Variants in TENM2 observed in about 807,000 individuals in gnomAD.
The protein encoded by TENM2 is teneurin transmembrane protein 2.
A neutral mutation model predicts 245.2 loss-of-function variants in TENM2; 52 were observed. The observed-to-expected ratio is 0.21, with a 90% CI of 0.17 to 0.27. The LOEUF is 0.27. Ranked by LOEUF, TENM2 falls within the 10% of genes least tolerant of loss-of-function variation. The pLI, the probability that TENM2 is intolerant of heterozygous loss-of-function variation, is 1.00. For missense variants in TENM2, 3,046 were observed against 3,666.8 expected (o/e 0.83, Z 4.37); for synonymous variants, 1,363 against 1,438.9 (o/e 0.95, Z 1.19).
At chr5:167,568,402 C>T (rs774958373) in intron 2 of TENM2, among the ~76,000 whole-genome samples, 4 of 152,084 alleles carry the variant, frequency 2.6e-5, no homozygotes, top group Admixed American at 6.6e-5. Context: ...TTGAATGGCT[C>T]ATTCATGTAT....
chr5:168,094,221 G>T (rs902973971), intron 8 of TENM2, among the ~76,000 whole-genome samples: 4 of 152,126 alleles, frequency 2.6e-5, no homozygotes, highest in African/African-American at 9.7e-5. Flanking sequence ...ACACCCAGGA[G>T]CTGAGACACA....
intron 1 of TENM2, among the ~76,000 whole-genome samples, chr5:167,350,846 G>GAT (rs372945513): frequency 0.023 from 2,205 of 95,778 alleles, 540 homozygotes; most frequent in African/African-American, 0.082. Context: ...TATACATATG[G>GAT]ATATATATAT....
chr5:167,350,718 G>A (rs1561883580), intron 1 of TENM2, among the ~76,000 whole-genome samples: 1 of 131,216 alleles, frequency 7.6e-6, no homozygotes, highest in African/African-American at 2.9e-5. Context: ...ATATATATAT[G>A]GGATATATAC....
intron 19 of TENM2, 97 bp from the exon 22 acceptor site, chr5:168,211,637 C>T: frequency 1.3e-6 from 1 of 746,120 alleles, no homozygotes; most frequent in Non-Finnish European, 2.2e-6. Flanking sequence ...TTTTTTGGGC[C>T]CCTTTATACA....
At chr5:168,248,348 T>C in exon 27 of TENM2, 6 of 1,613,146 alleles carry the variant, frequency 3.7e-6, no homozygotes, top group Non-Finnish European at 5.1e-6. Flanking sequence ...AGCAGTGAGC[T>C]AGATTTGAAG....
In TENM2 at chr5:167,747,239, C is replaced by CT. The variant is rs146179683; in HGVS notation, c.503-128746dup. ...ATTCCCAGTGGGCAAGTGATATATCCTGGTGACTTAGAGTAGGAGGCTGGC... is the reference window on the plus strand; with the variant it reads ...ATTCCCAGTGGGCAAGTGATATATCCTTGGTGACTTAGAGTAGGAGGCTGGC... On this transcript the variant is annotated intron_variant, in intron 2 of 28. Transcript: ENST00000518659. 3.0e-3 allele frequency among the ~76,000 whole-genome samples: 457 copies of CT among 152,240 alleles called. 3 individuals are homozygous for CT. Among genetic ancestry groups the CT allele is most frequent in the African/African-American group, 0.01 (426 of 41,540 alleles).
the TENM2 span, among the ~76,000 whole-genome samples, chr5:167,174,636 A>T: frequency 1.3e-5 from 2 of 152,200 alleles, no homozygotes; most frequent in Non-Finnish European, 2.9e-5. Flanking sequence ...GCAAATTAAC[A>T]TATCCACCCC....
At chr5:167,536,968 GA>G (rs1771890702) in intron 2 of TENM2, among the ~76,000 whole-genome samples, 1 of 152,032 alleles carries the variant, frequency 6.6e-6, no homozygotes, top group South Asian at 2.1e-4. Flanking sequence ...AGGTTGCAGT[GA>G]GCCAAGATCA....
chr5:167,084,350 T>C, the TENM2 span, among the ~76,000 whole-genome samples: 3 of 106,354 alleles, frequency 2.8e-5, no homozygotes, highest in South Asian at 3.0e-4. Flanking sequence ...TATATATATA[T>C]ATATATATAT....
chr5:167,538,072 C>T (rs1392303302), intron 2 of TENM2, among the ~76,000 whole-genome samples: 2 of 152,192 alleles, frequency 1.3e-5, no homozygotes, highest in African/African-American at 4.8e-5. Flanking sequence ...AACTTGTTAG[C>T]CTATGCCTTG....
chr5:167,655,026 A>G (rs975421712), intron 2 of TENM2, among the ~76,000 whole-genome samples: 5 of 152,180 alleles, frequency 3.3e-5, no homozygotes, highest in South Asian at 2.1e-4. Context: ...TATAAACATT[A>G]TGTCTTCATT....
At chr5:167,632,249 A>T (rs1259711364) in intron 2 of TENM2, among the ~76,000 whole-genome samples, 1 of 152,204 alleles carries the variant, frequency 6.6e-6, no homozygotes, top group Non-Finnish European at 1.5e-5. Flanking sequence ...ATTACAAGTT[A>T]TCATGGGCCA....
At chr5:167,238,009 C>CAAA in the TENM2 span, among the ~76,000 whole-genome samples, 7,317 of 41,138 alleles carry the variant, frequency 0.18, 518 homozygotes, top group Non-Finnish European at 0.24. Flanking sequence ...GACTCTGTCT[C>CAAA]AAAAAAAAAA....
At chr5:167,552,965 T>C (rs968195174) in intron 2 of TENM2, among the ~76,000 whole-genome samples, 4 of 151,288 alleles carry the variant, frequency 2.6e-5, no homozygotes, top group African/African-American at 9.8e-5. Context: ...GAGACATAGT[T>C]CTTGTCCCCA....
chr5:167,408,859 T>C (rs1762764281), intron 2 of TENM2, among the ~76,000 whole-genome samples: 1 of 150,340 alleles, frequency 6.7e-6, no homozygotes, highest in African/African-American at 2.4e-5. Flanking sequence ...TGACAGAGTA[T>C]CTTACATATG....
chr5:167,406,551 A>G (rs972288038), intron 2 of TENM2, among the ~76,000 whole-genome samples: 2 of 152,154 alleles, frequency 1.3e-5, no homozygotes, highest in African/African-American at 4.8e-5. Context: ...TGCCAACAAT[A>G]TTATCCCTTG....
chr5:168,169,665 G>A (rs531174464), intron 13 of TENM2, among the ~76,000 whole-genome samples: 47 of 152,322 alleles, frequency 3.1e-4, no homozygotes, highest in African/African-American at 1.1e-3. Context: ...AGCCAAGCTA[G>A]GGACTTCAGG....
At chr5:168,046,559 G>A (rs1410724991) in intron 5 of TENM2, among the ~76,000 whole-genome samples, 2 of 152,142 alleles carry the variant, frequency 1.3e-5, no homozygotes, top group African/African-American at 4.8e-5. Context: ...TAAACTCATG[G>A]TGGGGAGTTG....
At chr5:167,761,043 C>T (rs764830075) in intron 2 of TENM2, among the ~76,000 whole-genome samples, 15 of 152,206 alleles carry the variant, frequency 9.9e-5, no homozygotes, top group South Asian at 6.2e-4. Context: ...TCCAGGTCTA[C>T]GGGTGACTAA....
Sources: allele counts gnomAD v4.1 joint callset (sites outside exome capture counted in the v4.1 genomes callset), GRCh38; gene constraint gnomAD v4.1.1; transcripts MANE v1.5; gene names NCBI Gene and HGNC (gene_info 2026-07-23, HGNC 2026-07-21).